The following ZNF280C variants were observed in gnomAD, a reference collection of about 807,000 sequenced individuals.
ZNF280C encodes suppressor of hairy wing homolog 3.
ZNF280C carries 14 observed loss-of-function variants against 53.6 expected under a neutral mutation model. That is an observed-to-expected ratio of 0.26 (90% CI 0.17 to 0.41). The LOEUF is 0.41. Among genes scored for constraint, ZNF280C ranks in the 10% least tolerant of loss-of-function variants. The pLI, the probability that ZNF280C is intolerant of heterozygous loss-of-function variation, is 1.00. For missense variants in ZNF280C, 416 were observed against 547.1 expected, an observed-to-expected ratio of 0.76 and a Z score of 2.39; for synonymous variants, 203 against 181.1, an observed-to-expected ratio of 1.12 and a Z score of -0.97.
At chrX:130,216,517 G>A (rs1219953113) in intron 13 of ZNF280C, among the ~76,000 whole-genome samples, 1 of 112,013 alleles carries the variant, frequency 8.9e-6, no homozygotes, top group African/African-American at 3.2e-5. Context: ...CGGCCAATAA[G>A]CACACAAAGA....
intron 2 of ZNF280C, among the ~76,000 whole-genome samples, chrX:130,251,030 G>A (rs1374627404): frequency 9.1e-6 from 1 of 109,671 alleles, no homozygotes; most frequent in Admixed American, 9.8e-5. Flanking sequence ...CCAAGAGGCA[G>A]AGGTTGCAAT....
At chrX:130,243,894 G>C (rs1456782547) in intron 3 of ZNF280C, 29 bp from the exon 4 acceptor site, 2 of 962,940 alleles carry the variant, frequency 2.1e-6, no homozygotes, top group South Asian at 5.2e-5. Flanking sequence ...TTTAAAATTT[G>C]TTATGTGAAT....
intron 1 of ZNF280C, among the ~76,000 whole-genome samples, chrX:130,267,590 T>C (rs1359767675): frequency 9.0e-6 from 1 of 111,706 alleles, no homozygotes; most frequent in Admixed American, 9.5e-5. Flanking sequence ...AATATACAAA[T>C]GCAAGATACG....
At chrX:130,251,611 T>C (rs1452712660) in intron 2 of ZNF280C, among the ~76,000 whole-genome samples, 3 of 110,475 alleles carry the variant, frequency 2.7e-5, no homozygotes, top group Non-Finnish European at 5.7e-5. Context: ...TAAGAGGCCA[T>C]GGGGCCGGGC....
chrX:130,255,480 G>A (rs1214066647), intron 2 of ZNF280C, among the ~76,000 whole-genome samples: 3 of 103,932 alleles, frequency 2.9e-5, no homozygotes, highest in Non-Finnish European at 3.9e-5. Context: ...CCTAACAAAA[G>A]CTCCAGAAAA....
intron 11 of ZNF280C, 93 bp downstream of exon 11, chrX:130,227,589 T>G (rs1243624207): frequency 5.8e-6 from 4 of 687,093 alleles, no homozygotes; most frequent in Non-Finnish European, 6.9e-6. Flanking sequence ...CTAATTTTAT[T>G]TAAATGGCTT....
chrX:130,265,044 C>A (rs984523807), intron 1 of ZNF280C, among the ~76,000 whole-genome samples: 2 of 112,004 alleles, frequency 1.8e-5, no homozygotes, highest in Non-Finnish European at 1.9e-5. Context: ...TTCATATTTT[C>A]TTTGTCCAAG....
intron 15 of ZNF280C, among the ~76,000 whole-genome samples, chrX:130,210,293 G>C (rs1269117745): frequency 8.9e-6 from 1 of 111,888 alleles, no homozygotes; most frequent in Non-Finnish European, 1.9e-5. Context: ...ATTTCCCTGA[G>C]AATTTTCTTA....
In ZNF280C at chrX:130,220,436, C is replaced by A; in HGVS notation, c.1440G>T (p.Leu480Phe). The stretch of plus-strand genomic sequence containing the variant: ...TATGTTCAGCTTTCTCCTTGCTGGT[C>A]AAAAATTGTAGTCTGCATTTTGGGC... ...HRCPKCRLQFLTSKEKAEHKA... is the reference protein window; with the variant it reads ...HRCPKCRLQFFTSKEKAEHKA... Residue 480 changes from leucine to phenylalanine, a missense_variant, in exon 13 of 19, where the codon TTG becomes TTT. Physicochemically the swap from Leu to Phe is conservative, Grantham distance 22. Coordinates refer to ENST00000370978, the MANE Select transcript of ZNF280C (RefSeq NM_017666.5). 8.3e-7 allele frequency: 1 copy of A among 1,202,525 alleles called. No individual in the cohort carries two copies. The highest frequency in any genetic ancestry group is 1.8e-5 in the South Asian group (1 of 54,793).
chrX:130,212,221 T>C (rs2032048156), intron 15 of ZNF280C, among the ~76,000 whole-genome samples: 2 of 111,503 alleles, frequency 1.8e-5, no homozygotes, highest in African/African-American at 3.3e-5. Context: ...GCTTAAAGGG[T>C]ATTGAAGTAA....
In ZNF280C at chrX:130,202,831, A is replaced by C. The variant is rs1488535359; in HGVS notation, c.*2146T>G. On this transcript the variant is annotated 3_prime_UTR_variant, in exon 19 of 19. Transcript: ENST00000370978. Reference sequence around the variant, plus strand: ...TTCAATGTAACCAAAATAAACAAACAAGAAATTAAAAAAAATATACATCTA... The same window carrying C: ...TTCAATGTAACCAAAATAAACAAACCAGAAATTAAAAAAAATATACATCTA... 2.7e-5 allele frequency: 3 copies of C among 111,938 alleles called. No homozygotes were observed. Among genetic ancestry groups the C allele is most frequent in the Admixed American group, 1.9e-4 (2 of 10,486 alleles). 9.2% of individuals were successfully genotyped at this position (111,938 alleles called of 1,213,427 possible).
At position 130,262,932 on chromosome X, in the gene ZNF280C, T is replaced by C. The variant is rs747004703; in HGVS notation, c.-16-2467A>G. ...TTACAAGAGTTTATTCTACAAAAAG[T>C]TAAAAATAGATTGACATAGTTAAAA... On this transcript the variant is annotated intron_variant, in intron 1 of 18. Coordinates refer to ENST00000370978, the MANE Select transcript of ZNF280C (RefSeq NM_017666.5). Among the ~76,000 whole-genome samples, 10 of 112,453 alleles carry C rather than the reference T, an allele frequency of 8.9e-5. No individual in the cohort carries two copies. In the South Asian group the frequency reaches 3.3e-3, roughly 37 times the overall value.
intron 8 of ZNF280C, 110 bp downstream of exon 8, chrX:130,236,104 G>A (rs186073018): frequency 2.2e-5 from 9 of 417,317 alleles, no homozygotes; most frequent in Non-Finnish European, 3.6e-5. Context: ...CCAATACGAG[G>A]TTTCTTCTCT....
chrX:130,262,726 C>T lies in ZNF280C; in HGVS notation c.-16-2261G>A, dbSNP rs185377492. ...TCAGCTACCGATTCAGGTGGAGACA[C>T]TATACCCATGTTTAATACACTGTTC... On this transcript the variant is annotated intron_variant, in intron 1 of 18. Coordinates refer to ENST00000370978, the MANE Select transcript of ZNF280C (RefSeq NM_017666.5). 8.1e-5 allele frequency among the ~76,000 whole-genome samples: 9 copies of T among 111,675 alleles called. No homozygotes were observed. In the East Asian group the frequency reaches 2.2e-3, roughly 28 times the overall value.
chrX:130,223,758 G>A (rs1261912505), intron 12 of ZNF280C, among the ~76,000 whole-genome samples: 2 of 111,793 alleles, frequency 1.8e-5, no homozygotes, highest in East Asian at 2.8e-4. Context: ...AATCACTCAA[G>A]ACATAATAAT....
chrX:130,264,713 A>G (rs2032670468), intron 1 of ZNF280C, among the ~76,000 whole-genome samples: 1 of 111,115 alleles, frequency 9.0e-6, no homozygotes, highest in Non-Finnish European at 1.9e-5. Context: ...GAAAAACTCA[A>G]TAGAAGTAGG....
intron 12 of ZNF280C, among the ~76,000 whole-genome samples, chrX:130,225,454 GTATTAGCA>G (rs898698628): frequency 9.0e-6 from 1 of 111,189 alleles, no homozygotes; most frequent in African/African-American, 3.3e-5. Flanking sequence ...GAGATTTACA[GTATTAGCA>G]TATTAAAAGC....
At chrX:130,209,256 T>C (rs2032015301) in intron 16 of ZNF280C, among the ~76,000 whole-genome samples, 1 of 112,094 alleles carries the variant, frequency 8.9e-6, no homozygotes, top group Admixed American at 9.5e-5. Context: ...TAAATGTGTG[T>C]GGTGTAACCA....
chrX:130,216,120 T>C lies in ZNF280C; in HGVS notation c.1528-19A>G, dbSNP rs753719731. Reference sequence around the variant, plus strand: ...TAGTAACCTATAAAAACAAAGCCAATACATATTTTTAGAAAAGTAACCATC... The same window carrying C: ...TAGTAACCTATAAAAACAAAGCCAACACATATTTTTAGAAAAGTAACCATC... On this transcript the variant is annotated intron_variant, in intron 13 of 18. Transcript: ENST00000370978. 4 of 1,143,534 alleles carry C rather than the reference T, an allele frequency of 3.5e-6. No individual in the cohort carries two copies. Among genetic ancestry groups the C allele is most frequent in the Non-Finnish European group, 3.5e-6 (3 of 852,224 alleles). The allele number at this position is 1,143,534 out of a possible 1,213,427, so 94.2% of individuals were successfully genotyped here.
Sources: allele counts gnomAD v4.1 joint callset (sites outside exome capture counted in the v4.1 genomes callset), GRCh38; gene constraint gnomAD v4.1.1; transcripts MANE v1.5; gene names NCBI Gene and HGNC (gene_info 2026-07-23, HGNC 2026-07-21).